Variants in HIP1 observed in about 807,000 individuals in gnomAD.
HIP1 encodes huntingtin-interacting protein 1.
A neutral mutation model predicts 147.6 loss-of-function variants in HIP1; 65 were observed. The observed-to-expected ratio is 0.44, with a 90% CI of 0.36 to 0.54. HIP1 has a LOEUF of 0.54. HIP1 is among the 20% of genes least tolerant of loss of function. HIP1 has a pLI of 0.00. For missense variants in HIP1, 1,061 were observed against 1,299.6 expected (o/e 0.82, Z 2.82); for synonymous variants, 479 against 504.0 (o/e 0.95, Z 0.67).
intron 4 of HIP1, among the ~76,000 whole-genome samples, chr7:75,589,559 T>C (rs908073510): frequency 1.3e-5 from 2 of 151,676 alleles, no homozygotes; most frequent in Non-Finnish European, 2.9e-5. Flanking sequence ...TGGTAGGCAC[T>C]GTAATTCTAG....
rs991491319 is a variant in HIP1 at position 75,537,190 on chromosome 7, C to T, written c.*982G>A. On this transcript the variant is annotated 3_prime_UTR_variant, in exon 31 of 31. Transcript: ENST00000336926. ...GTGATCAAGTTTTTGAGCCTCGTCA[C>T]GGGAACTGGGCTGTGTGAACCCTCT... The T allele has an allele frequency of 1.7e-5, 4 of 232,878 alleles. No individual in the cohort carries two copies. The highest frequency in any genetic ancestry group is 5.6e-5 in the Admixed American group (1 of 17,748). 14.4% of individuals were successfully genotyped at this position (232,878 alleles called of 1,614,324 possible). A position where few individuals can be genotyped will look rare whatever the true frequency, so the allele number is the denominator to read the frequency against.
At chr7:75,565,202 C>T (rs1216147709) in intron 9 of HIP1, among the ~76,000 whole-genome samples, 1 of 152,180 alleles carries the variant, frequency 6.6e-6, no homozygotes, top group East Asian at 1.9e-4. Context: ...ATCACTGCTG[C>T]TTCCCCTGAA....
intron 1 of HIP1, among the ~76,000 whole-genome samples, chr7:75,731,543 A>G (rs1801839286): frequency 6.6e-6 from 1 of 151,250 alleles, no homozygotes; most frequent in Admixed American, 6.6e-5. Context: ...GGGGTTCACG[A>G]GCAGCTCTCC....
rs1385569689 is a variant in HIP1 at position 75,697,436 on chromosome 7, A to T, written c.120+41365T>A. On this transcript the variant is annotated intron_variant, in intron 1 of 30. Coordinates refer to ENST00000336926, the MANE Select transcript of HIP1 (RefSeq NM_005338.7). ...AGAAAAAGAAAGAAAGAAAAGAAAA[A>T]AATTAATAATTTTTTAGTAAAAAAA... 1.3e-5 allele frequency among the ~76,000 whole-genome samples: 2 copies of T among 152,150 alleles called. 1 individual carries two copies. The highest frequency in any genetic ancestry group is 4.8e-5 in the African/African-American group (2 of 41,448).
intron 1 of HIP1, among the ~76,000 whole-genome samples, chr7:75,637,218 C>G (rs781946705): frequency 6.6e-6 from 1 of 152,142 alleles, no homozygotes; most frequent in African/African-American, 2.4e-5. Flanking sequence ...TGTTCTTTAC[C>G]CAGCACTTGC....
At chr7:75,603,258 G>A (rs1265097459) in intron 1 of HIP1, among the ~76,000 whole-genome samples, 2 of 151,428 alleles carry the variant, frequency 1.3e-5, no homozygotes, top group African/African-American at 4.9e-5. Flanking sequence ...TGAGGCAGGT[G>A]GATTGCTTAA....
intron 1 of HIP1, among the ~76,000 whole-genome samples, chr7:75,629,553 T>A (rs1467773549): frequency 2.0e-5 from 3 of 152,062 alleles, no homozygotes; most frequent in Non-Finnish European, 4.4e-5. Context: ...TTTCTTTTTT[T>A]TTTTTTTGAG....
chr7:75,689,573 T>C (rs1800378261), intron 1 of HIP1, among the ~76,000 whole-genome samples: 2 of 152,180 alleles, frequency 1.3e-5, no homozygotes, highest in Admixed American at 1.3e-4. Context: ...TGCACATATA[T>C]ATAAATGTGT....
chr7:75,539,271 A>G, intron 30 of HIP1, 52 bp downstream of exon 30: 4 of 1,367,804 alleles, frequency 2.9e-6, no homozygotes, highest in Non-Finnish European at 4.2e-6. Context: ...CCCTGGCCAC[A>G]CAGCTTCCCC....
At chr7:75,545,026 G>A (rs1346752577) in intron 26 of HIP1, 62 bp downstream of exon 26, 61 of 1,013,246 alleles carry the variant, frequency 6.0e-5, no homozygotes, top group Non-Finnish European at 7.0e-5. Context: ...CTTAGCTATT[G>A]TTTGGAGTGG....
At chr7:75,642,960 C>T (rs1453178687) in intron 1 of HIP1, among the ~76,000 whole-genome samples, 1 of 152,198 alleles carries the variant, frequency 6.6e-6, no homozygotes, top group Non-Finnish European at 1.5e-5. Flanking sequence ...AACCCCACAG[C>T]ACTCCACGTT....
rs1309698508 is a variant in HIP1, at chr7:75,611,735, A to G, written c.121-12488T>C. 2.9e-6 allele frequency: 3 copies of G among 1,036,672 alleles called. No homozygotes were observed. The East Asian group carries it at 1.8e-4, about 61-fold the overall frequency. The allele number at this position is 1,036,672 out of a possible 1,614,324, so 64.2% of individuals were successfully genotyped here. On this transcript the variant is annotated intron_variant, in intron 1 of 30. Transcript: ENST00000336926. ...CTGTTCTCTGGACTTCCCTGGAGTCACACAGGACCTAAGACCAAGCCGTGT... is the reference window on the plus strand; with the variant it reads ...CTGTTCTCTGGACTTCCCTGGAGTCGCACAGGACCTAAGACCAAGCCGTGT...
chr7:75,571,921 T>A (rs1795650588), intron 8 of HIP1, among the ~76,000 whole-genome samples: 1 of 152,070 alleles, frequency 6.6e-6, no homozygotes, highest in African/African-American at 2.4e-5. Context: ...CACAAAAGTA[T>A]AAGAACTGGC....
intron 1 of HIP1, among the ~76,000 whole-genome samples, chr7:75,615,958 C>T (rs768657626): frequency 4.4e-4 from 66 of 150,830 alleles, no homozygotes; most frequent in Admixed American, 1.7e-3. Flanking sequence ...TGATGGTGCG[C>T]ACCTGTAGTC....
intron 1 of HIP1, among the ~76,000 whole-genome samples, chr7:75,637,109 T>C (rs1023008232): frequency 6.6e-6 from 1 of 152,196 alleles, no homozygotes; most frequent in South Asian, 2.1e-4. Context: ...CCTGTATTGA[T>C]AGCTAACTGT....
At chr7:75,558,766 C>T (rs1795113448) in intron 14 of HIP1, among the ~76,000 whole-genome samples, 1 of 152,104 alleles carries the variant, frequency 6.6e-6, no homozygotes, top group Non-Finnish European at 1.5e-5. Flanking sequence ...TGCCTATAAT[C>T]CCAGCACTTT....
chr7:75,657,455 G>C (rs954287443), intron 1 of HIP1, among the ~76,000 whole-genome samples: 4 of 151,362 alleles, frequency 2.6e-5, no homozygotes, highest in African/African-American at 9.7e-5. Flanking sequence ...GCTTGAACCC[G>C]GGAGGTGGAG....
chr7:75,561,398 G>GT lies in HIP1; in HGVS notation c.1121dup (p.Asp374GlufsTer5). Reference sequence around the variant, plus strand: ...CTCTGTATAGTCGCTCAATTAAGTGGTCCCTGGGAAGAGAAGGGGAATGAG... The same window carrying GT: ...CTCTGTATAGTCGCTCAATTAAGTGGTTCCCTGGGAAGAGAAGGGGAATGAG... On this transcript the variant is annotated frameshift_variant, in exon 13 of 31. Coordinates refer to ENST00000336926, the MANE Select transcript of HIP1 (RefSeq NM_005338.7). LOFTEE classifies it high-confidence loss of function. 1 of 1,610,050 alleles carries GT rather than the reference G, an allele frequency of 6.2e-7. No individual in the cohort carries two copies. Among genetic ancestry groups the GT allele is most frequent in the Non-Finnish European group, 8.5e-7 (1 of 1,176,306 alleles).
chr7:75,606,728 A>T (rs1449972280), intron 1 of HIP1, among the ~76,000 whole-genome samples: 2 of 152,180 alleles, frequency 1.3e-5, no homozygotes, highest in African/African-American at 4.8e-5. Flanking sequence ...AGCCATTTTT[A>T]AAAGAATGAG....
Sources: gnomAD v4.1 joint callset for allele counts (sites outside exome capture counted in the v4.1 genomes callset) on GRCh38, gnomAD v4.1.1 for gene constraint, MANE v1.5 for transcripts, NCBI Gene and HGNC (gene_info 2026-07-23, HGNC 2026-07-21) for gene names.